RIMS2: variants seen among roughly 807,000 people sequenced by gnomAD.
RIMS2 encodes regulating synaptic membrane exocytosis protein 2.
Under a neutral mutation model 174.4 loss-of-function variants are expected in RIMS2, and 59 were observed. The ratio of observed to expected loss-of-function variants is 0.34; its 90% CI spans 0.27 to 0.42. The LOEUF is 0.42. Among genes scored for constraint, RIMS2 ranks in the 10% least tolerant of loss-of-function variants. The pLI is 1.00. For synonymous variants in RIMS2, 606 were observed against 572.5 expected (o/e 1.06, Z -0.84); for missense variants, 1,620 against 1,666.3 (o/e 0.97, Z 0.48).
At chr8:104,126,114 T>A (rs567405154) in intron 19 of RIMS2, among the ~76,000 whole-genome samples, 1 of 152,298 alleles carries the variant, frequency 6.6e-6, no homozygotes, top group African/African-American at 2.4e-5. Context: ...ACCAGTTTCA[T>A]GGAAGAAACC....
chr8:103,958,014 T>A (rs543808141), intron 14 of RIMS2, among the ~76,000 whole-genome samples: 8 of 152,074 alleles, frequency 5.3e-5, no homozygotes, highest in Non-Finnish European at 1.2e-4. Context: ...TAGAGCTAAA[T>A]GTAGAACTAC....
chr8:103,500,716 T>G (rs1271339268), upstream of RIMS2: 1 of 530,702 alleles, frequency 1.9e-6, no homozygotes, highest in Non-Finnish European at 3.3e-6. Flanking sequence ...GCGCTCGCCC[T>G]CCCCTCCCCC....
chr8:104,019,425 T>TG (rs2096024220), intron 19 of RIMS2, among the ~76,000 whole-genome samples: 1 of 152,208 alleles, frequency 6.6e-6, no homozygotes, highest in South Asian at 2.1e-4. Flanking sequence ...TGTGCCTTTT[T>TG]TTCCTCTGGT....
At chr8:103,552,188 C>A (rs952657010) in intron 1 of RIMS2, among the ~76,000 whole-genome samples, 3 of 152,152 alleles carry the variant, frequency 2.0e-5, no homozygotes. Flanking sequence ...ATCATGCTAC[C>A]TGACTTCAAA....
intron 3 of RIMS2, among the ~76,000 whole-genome samples, chr8:103,808,128 C>A (rs1012616701): frequency 7.9e-5 from 12 of 152,076 alleles, no homozygotes; most frequent in Admixed American, 7.2e-4. Context: ...GCTATTTTCC[C>A]GAGAGTTGTT....
intron 2 of RIMS2, among the ~76,000 whole-genome samples, chr8:103,742,397 T>A (rs2097770454): frequency 6.6e-6 from 1 of 152,154 alleles, no homozygotes; most frequent in African/African-American, 2.4e-5. Flanking sequence ...ATGTACATAA[T>A]GAGTCTGTAA....
intron 19 of RIMS2, among the ~76,000 whole-genome samples, chr8:104,157,800 A>C (rs1337891374): frequency 1.3e-5 from 2 of 152,168 alleles, no homozygotes; most frequent in Non-Finnish European, 2.9e-5. Flanking sequence ...AAATATTTCT[A>C]ACAGGCCCTC....
intron 19 of RIMS2, among the ~76,000 whole-genome samples, chr8:104,175,003 T>C (rs960525500): frequency 6.6e-6 from 1 of 152,194 alleles, no homozygotes; most frequent in Non-Finnish European, 1.5e-5. Context: ...GAATTTGTAA[T>C]GGAGATTTTA....
chr8:103,900,179 G>A (rs2099320255), intron 4 of RIMS2, among the ~76,000 whole-genome samples: 1 of 151,608 alleles, frequency 6.6e-6, no homozygotes, highest in Admixed American at 6.6e-5. Flanking sequence ...AGCTTCATAA[G>A]TGAAGGAGAA....
chr8:104,132,080 C>A (rs2133022169), intron 19 of RIMS2, among the ~76,000 whole-genome samples: 1 of 152,238 alleles, frequency 6.6e-6, no homozygotes, highest in South Asian at 2.1e-4. Context: ...CAATCAAATG[C>A]ATATGCACAT....
At chr8:103,949,042 G>T (rs996789033) in intron 14 of RIMS2, among the ~76,000 whole-genome samples, 1 of 146,256 alleles carries the variant, frequency 6.8e-6, no homozygotes, top group South Asian at 2.2e-4. Context: ...TGGTAAGATG[G>T]CTTGAGCCTG....
chr8:103,614,375 A>G (rs1474983799), intron 1 of RIMS2, among the ~76,000 whole-genome samples: 1 of 152,254 alleles, frequency 6.6e-6, no homozygotes, highest in Non-Finnish European at 1.5e-5. Flanking sequence ...CCCTAAGTGC[A>G]CAGACTCTGT....
Position 104,168,291 on chromosome 8 carries a change from C to T in RIMS2, c.3335-76625C>T, listed in dbSNP as rs572529461. Among the ~76,000 whole-genome samples the T allele has an allele frequency of 2.4e-3, 370 of 152,242 alleles. 3 individuals carry two copies. The highest frequency in any genetic ancestry group is 8.5e-3 in the African/African-American group (353 of 41,558). On this transcript the variant is annotated intron_variant, in intron 19 of 23. Coordinates refer to ENST00000504942, the Ensembl canonical transcript of RIMS2. ...TTTCACAATATTAATTCTACCCATT[C>T]ATGAGCATGGGTTGTGTTTCCATTT...
At chr8:104,121,041 C>T in intron 19 of RIMS2, among the ~76,000 whole-genome samples, 1 of 151,978 alleles carries the variant, frequency 6.6e-6, no homozygotes, top group East Asian at 1.9e-4. Context: ...TTTTCTCTAA[C>T]CATTTTTCTA....
intron 19 of RIMS2, among the ~76,000 whole-genome samples, chr8:104,179,897 CCT>C (rs1268118717): frequency 3.3e-5 from 5 of 151,742 alleles, no homozygotes; most frequent in Admixed American, 2.0e-4. Flanking sequence ...AAAGATAACC[CCT>C]GTTAACATTT....
intron 4 of RIMS2, among the ~76,000 whole-genome samples, chr8:103,888,302 ATAC>A (rs2099218819): frequency 6.6e-6 from 1 of 151,566 alleles, no homozygotes; most frequent in Non-Finnish European, 1.5e-5. Context: ...CAAATGATAA[ATAC>A]TAAGAAAAAC....
chr8:103,981,257 C>T (rs2093881200), intron 16 of RIMS2, among the ~76,000 whole-genome samples: 1 of 152,146 alleles, frequency 6.6e-6, no homozygotes, highest in South Asian at 2.1e-4. Flanking sequence ...CTCCATTTGT[C>T]TGGGAGAAAG....
At position 103,663,458 on chromosome 8, in the gene RIMS2, G is replaced by C. The variant is rs369134062; in HGVS notation, c.177-33628G>C. On this transcript the variant is annotated intron_variant, in intron 1 of 23. Coordinates refer to ENST00000504942, the Ensembl canonical transcript of RIMS2. ...CAAAGTCTCAGGATACAAAATCAAT[G>C]TGCAAAAATCACAAGCATTCCTATA... Among the ~76,000 whole-genome samples the C allele has an allele frequency of 4.6e-5, 7 of 152,190 alleles. 1 individual carries two copies. The highest frequency in any genetic ancestry group is 1.7e-4 in the African/African-American group (7 of 41,520).
At chr8:103,927,985 T>C in intron 11 of RIMS2, 1 of 900,156 alleles carries the variant, frequency 1.1e-6, no homozygotes. Flanking sequence ...TTTTTTGTTA[T>C]GTTGCTCCAA....
Sources: gnomAD v4.1 joint callset for allele counts (sites outside exome capture counted in the v4.1 genomes callset) on GRCh38, gnomAD v4.1.1 for gene constraint, MANE v1.5 for transcripts, NCBI Gene and HGNC (gene_info 2026-07-23, HGNC 2026-07-21) for gene names.